WWOX: variants seen among roughly 807,000 people sequenced by gnomAD.
The protein encoded by WWOX is WW domain-containing oxidoreductase.
In WWOX, 69 loss-of-function variants were observed where a neutral mutation model predicts 46.2. The ratio of observed to expected loss-of-function variants is 1.49; its 90% CI spans 1.23 to 1.82. The LOEUF (loss-of-function observed/expected upper bound fraction) is 1.82. Among genes scored for constraint, WWOX ranks in the 40% most tolerant of loss-of-function variants. WWOX has a pLI of 0.00. For missense variants in WWOX, 919 were observed against 542.6 expected (o/e 1.69, Z -6.89); for synonymous variants, 359 against 202.6 (o/e 1.77, Z -6.56).
chr16:78,534,912 C>A (rs1270579380), intron 8 of WWOX, among the ~76,000 whole-genome samples: 1 of 152,004 alleles, frequency 6.6e-6, no homozygotes, highest in Non-Finnish European at 1.5e-5. Flanking sequence ...CTGGGTTCCA[C>A]CATGGTGGCC....
chr16:79,210,318 C>G (rs143340145), intron 8 of WWOX, among the ~76,000 whole-genome samples: 11 of 152,292 alleles, frequency 7.2e-5, no homozygotes, highest in African/African-American at 2.6e-4. Context: ...GACCCTATTT[C>G]TCAGTATGGA....
chr16:79,059,340 C>T (rs1022942019), intron 8 of WWOX, among the ~76,000 whole-genome samples: 3 of 152,136 alleles, frequency 2.0e-5, no homozygotes, highest in East Asian at 1.9e-4. Flanking sequence ...TTAACTATAT[C>T]GTCAACTACC....
intron 8 of WWOX, among the ~76,000 whole-genome samples, chr16:78,605,186 C>G (rs1232433986): frequency 6.6e-6 from 1 of 150,964 alleles, no homozygotes; most frequent in Non-Finnish European, 1.5e-5. Flanking sequence ...GTATCTGTAT[C>G]CTGTGAGTTT....
chr16:78,300,787 G>A (rs553881790), intron 5 of WWOX, among the ~76,000 whole-genome samples: 2 of 152,086 alleles, frequency 1.3e-5, no homozygotes, highest in South Asian at 4.2e-4. Context: ...GACTCTGTTT[G>A]GGACAGCTCT....
At chr16:78,938,624 A>C (rs769527307) in intron 8 of WWOX, among the ~76,000 whole-genome samples, 1 of 152,052 alleles carries the variant, frequency 6.6e-6, no homozygotes. Flanking sequence ...TCATTTGTTC[A>C]TTTATTCCAC....
At chr16:78,723,028 C>T (rs879457727) in intron 8 of WWOX, among the ~76,000 whole-genome samples, 10 of 151,908 alleles carry the variant, frequency 6.6e-5, no homozygotes, top group Non-Finnish European at 1.5e-4. Context: ...GGTGACAGAG[C>T]AAGATTTTGT....
intron 8 of WWOX, among the ~76,000 whole-genome samples, chr16:78,990,900 A>AT (rs1207399896): frequency 6.6e-6 from 1 of 152,158 alleles, no homozygotes; most frequent in Non-Finnish European, 1.5e-5. Flanking sequence ...AGCATGAGTG[A>AT]TTTTTCCCTT....
chr16:78,385,143 A>ACG (rs2082034943), intron 5 of WWOX, among the ~76,000 whole-genome samples: 1 of 151,360 alleles, frequency 6.6e-6, no homozygotes, highest in East Asian at 1.9e-4. Context: ...AAACACACAC[A>ACG]CACACACACA....
chr16:79,083,207 C>T (rs1351224844), intron 8 of WWOX, among the ~76,000 whole-genome samples: 1 of 152,094 alleles, frequency 6.6e-6, no homozygotes, highest in Non-Finnish European at 1.5e-5. Context: ...GGGCACTTTG[C>T]TGCCTCCTTT....
chr16:78,556,358 A>C (rs1391391145), intron 8 of WWOX, among the ~76,000 whole-genome samples: 3 of 151,984 alleles, frequency 2.0e-5, no homozygotes, highest in African/African-American at 7.3e-5. Flanking sequence ...TGGTTCAAGG[A>C]AGGCAAAGGG....
intron 8 of WWOX, among the ~76,000 whole-genome samples, chr16:78,841,869 G>T (rs1261497359): frequency 6.6e-6 from 1 of 152,154 alleles, no homozygotes; most frequent in Non-Finnish European, 1.5e-5. Flanking sequence ...TTGGTAAGGG[G>T]TTATACAATA....
At chr16:78,194,686 C>A (rs1373886742) in intron 5 of WWOX, among the ~76,000 whole-genome samples, 1 of 151,898 alleles carries the variant, frequency 6.6e-6, no homozygotes, top group Non-Finnish European at 1.5e-5. Context: ...GACTGAATAG[C>A]AGCTGCTTCT....
intron 8 of WWOX, among the ~76,000 whole-genome samples, chr16:78,707,464 A>G (rs772559626): frequency 7.2e-5 from 11 of 152,210 alleles, no homozygotes; most frequent in Middle Eastern, 3.2e-3. Context: ...TAGTTGGTAT[A>G]GCTTCCTTCT....
rs758307666 is a variant in WWOX at position 78,432,677 on chromosome 16, G to A, written c.981G>A (p.Met327Ile). 2.8e-5 allele frequency: 45 copies of A among 1,614,086 alleles called. No homozygotes were observed. The highest frequency in any genetic ancestry group is 3.3e-5 in the Non-Finnish European group (39 of 1,180,038). ...ACGCAGTGCATCCTGGAAATATGATGTACTCCAACATTCATCGCAGCTGGT... is the reference window on the plus strand; with the variant it reads ...ACGCAGTGCATCCTGGAAATATGATATACTCCAACATTCATCGCAGCTGGT... ...TSNAVHPGNM[M>I]YSNIHRSWWV... Residue 327 changes from methionine to isoleucine, a missense_variant, in exon 8 of 9, where the codon ATG becomes ATA. Physicochemically the swap from Met to Ile is conservative, Grantham distance 10. Transcript: ENST00000566780.
chr16:78,268,453 T>C (rs1282891571), intron 5 of WWOX, among the ~76,000 whole-genome samples: 3 of 152,212 alleles, frequency 2.0e-5, no homozygotes, highest in Admixed American at 6.5e-5. Context: ...GTGGATGAAA[T>C]TGTAGAGTCA....
intron 8 of WWOX, among the ~76,000 whole-genome samples, chr16:78,863,113 A>G (rs1279688496): frequency 6.6e-6 from 1 of 151,840 alleles, no homozygotes; most frequent in Admixed American, 6.6e-5. Context: ...CGCCACCACC[A>G]AGCCTGGCTA....
Position 78,515,098 on chromosome 16 carries a change from C to T in WWOX, c.1056+82346C>T, listed in dbSNP as rs1053090571. On this transcript the variant is annotated intron_variant, in intron 8 of 8. Transcript: ENST00000566780. ...AATTAGCTGAACCTGGTGGTTCACG[C>T]CTGTAATTGCAGCTACTCAGGAGGC... Among the ~76,000 whole-genome samples, 7 of 152,128 alleles carry T rather than the reference C, an allele frequency of 4.6e-5. 1 individual carries two copies. The highest frequency in any genetic ancestry group is 4.6e-4 in the Admixed American group (7 of 15,272).
At chr16:78,642,828 C>T (rs1421490371) in intron 8 of WWOX, among the ~76,000 whole-genome samples, 2 of 152,166 alleles carry the variant, frequency 1.3e-5, no homozygotes, top group African/African-American at 4.8e-5. Context: ...AACTGTCCAG[C>T]TCTTTAGGAT....
chr16:78,882,141 G>C (rs576702634), intron 8 of WWOX, among the ~76,000 whole-genome samples: 64 of 152,138 alleles, frequency 4.2e-4, no homozygotes, highest in Admixed American at 7.9e-4. Context: ...CAAAAACAAA[G>C]AACTGACAAT....
Sources: gnomAD v4.1 joint callset for allele counts (sites outside exome capture counted in the v4.1 genomes callset) on GRCh38, gnomAD v4.1.1 for gene constraint, MANE v1.5 for transcripts, NCBI Gene and HGNC (gene_info 2026-07-23, HGNC 2026-07-21) for gene names.